The following DIS3L2 variants were observed in gnomAD, a reference collection of about 807,000 sequenced individuals.
The protein encoded by DIS3L2 is DIS3 like 3'-5' exoribonuclease 2.
DIS3L2 carries 34 observed loss-of-function variants against 97.5 expected under a neutral mutation model. That is an observed-to-expected ratio of 0.35 (90% CI 0.27 to 0.46). DIS3L2 has a LOEUF of 0.46. Among genes scored for constraint, DIS3L2 ranks in the 20% least tolerant of loss-of-function variants. DIS3L2 has a pLI of 1.00. For missense variants in DIS3L2, 1,038 were observed against 1,146.0 expected (o/e 0.91, Z 1.36); for synonymous variants, 435 against 445.2 (o/e 0.98, Z 0.29).
chr2:232,196,048 T>C (rs919484138), intron 9 of DIS3L2, among the ~76,000 whole-genome samples: 2 of 152,058 alleles, frequency 1.3e-5, no homozygotes, highest in Admixed American at 1.3e-4. Context: ...AGATGGAATC[T>C]GTTAGGTCAG....
At chr2:232,286,962 A>T (rs539686411) in intron 13 of DIS3L2, among the ~76,000 whole-genome samples, 1 of 152,150 alleles carries the variant, frequency 6.6e-6, no homozygotes. Flanking sequence ...GGTTGTTTTC[A>T]TAGGTAGAAG....
In DIS3L2 at chr2:232,087,539, A is replaced by G. The variant is rs367831290; in HGVS notation, c.419A>G (p.Asp140Gly). ...GAAACAGAAGCTGCGTATGAATCAGATATCCCCGAGGAGCTCTGTGGACAC... is the reference window on the plus strand; with the variant it reads ...GAAACAGAAGCTGCGTATGAATCAGGTATCCCCGAGGAGCTCTGTGGACAC... ...DKETEAAYESDIPEELCGHHL... is the reference protein window; with the variant it reads ...DKETEAAYESGIPEELCGHHL... Residue 140 changes from aspartate (D) to glycine (G), a missense_variant, in exon 6 of 21, where the codon GAT (aspartate) becomes GGT (glycine). Asp to Gly is a moderately conservative substitution (Grantham distance 94). This residue lies in a region of DIS3L2 where 813 missense variants were observed against 880.1 expected (regional missense o/e 0.92). Transcript: ENST00000325385. The G allele has an allele frequency of 8.1e-6, 13 of 1,613,872 alleles. No homozygotes were observed. The East Asian group carries it at 2.2e-4, about 28-fold the overall frequency.
Position 232,220,536 on chromosome 2 carries a change from A to G in DIS3L2, c.1204+10131A>G, listed in dbSNP as rs186972355. On this transcript the variant is annotated intron_variant, in intron 10 of 20. Transcript: ENST00000325385. The stretch of plus-strand genomic sequence containing the variant: ...AGCCTGACCAACATAGTGAAACCCC[A>G]TGTCTACTAAAAATATAAAAATTAG... 2.8e-3 allele frequency among the ~76,000 whole-genome samples: 427 copies of G among 151,970 alleles called. 1 individual carries two copies. Among genetic ancestry groups the G allele is most frequent in the Non-Finnish European group, 4.6e-3 (315 of 67,940 alleles).
chr2:231,996,460 A>G (rs777318800), intron 1 of DIS3L2, among the ~76,000 whole-genome samples: 1 of 152,244 alleles, frequency 6.6e-6, no homozygotes, highest in Non-Finnish European at 1.5e-5. Flanking sequence ...CTGGGGTATT[A>G]AAGTAAGAGA....
chr2:232,309,599 ACCC>A (rs1405469819), intron 14 of DIS3L2, among the ~76,000 whole-genome samples: 4 of 151,650 alleles, frequency 2.6e-5, no homozygotes, highest in Admixed American at 6.6e-5. Context: ...CCACCTCAGC[ACCC>A]CCACCAGCTA....
intron 13 of DIS3L2, among the ~76,000 whole-genome samples, chr2:232,283,197 CTG>C (rs1694343339): frequency 6.6e-6 from 1 of 152,212 alleles, no homozygotes; most frequent in African/African-American, 2.4e-5. Context: ...GATGAGGAAA[CTG>C]AGACTTGAGC....
At chr2:232,247,616 C>CGAGGGGGGG (rs1693289516) in intron 11 of DIS3L2, among the ~76,000 whole-genome samples, 1 of 6,518 alleles carries the variant, frequency 1.5e-4, no homozygotes, top group African/African-American at 3.1e-4. Flanking sequence ...ATAACTGCCG[C>CGAGGGGGGG]GGGGGGGGGG....
chr2:232,265,644 T>G (rs1693835704), intron 13 of DIS3L2, among the ~76,000 whole-genome samples: 1 of 152,186 alleles, frequency 6.6e-6, no homozygotes, highest in Admixed American at 6.5e-5. Context: ...AATACGAACA[T>G]AAAAAAGAAG....
intron 5 of DIS3L2, among the ~76,000 whole-genome samples, chr2:232,034,834 A>G (rs770946105): frequency 4.6e-5 from 7 of 152,068 alleles, no homozygotes; most frequent in Non-Finnish European, 7.4e-5. Context: ...CTGAGAGACT[A>G]TTTGTTAAGA....
chr2:232,298,088 G>T (rs1476751390), intron 13 of DIS3L2, among the ~76,000 whole-genome samples: 2 of 152,102 alleles, frequency 1.3e-5, no homozygotes, highest in Non-Finnish European at 2.9e-5. Flanking sequence ...TATCTCATCT[G>T]TCCAACCTAT....
chr2:232,143,610 G>T (rs1381786346), intron 8 of DIS3L2, among the ~76,000 whole-genome samples: 1 of 151,972 alleles, frequency 6.6e-6, no homozygotes, highest in African/African-American at 2.4e-5. Context: ...CCCCGGAAAC[G>T]ATCACTATTA....
chr2:232,129,486 G>A (rs1244698108), intron 6 of DIS3L2, among the ~76,000 whole-genome samples: 1 of 152,222 alleles, frequency 6.6e-6, no homozygotes, highest in Non-Finnish European at 1.5e-5. Context: ...GATAGAGAGG[G>A]CAATCTACGA....
intron 6 of DIS3L2, among the ~76,000 whole-genome samples, chr2:232,115,146 A>G (rs1200267211): frequency 1.9e-4 from 29 of 152,164 alleles, no homozygotes; most frequent in Non-Finnish European, 1.2e-4. Context: ...TTCACCTCTC[A>G]GTACTGCCAC....
At chr2:232,264,772 C>G (rs1693811499) in intron 13 of DIS3L2, among the ~76,000 whole-genome samples, 1 of 152,242 alleles carries the variant, frequency 6.6e-6, no homozygotes, top group Admixed American at 6.5e-5. Flanking sequence ...ACAAATGCTT[C>G]TAAGCAGGCA....
At chr2:231,991,503 C>T (rs923221050) in intron 1 of DIS3L2, among the ~76,000 whole-genome samples, 1 of 152,128 alleles carries the variant, frequency 6.6e-6, no homozygotes, top group South Asian at 2.1e-4. Flanking sequence ...CTGCTGGGCT[C>T]AAAGGATCCT....
chr2:232,105,081 G>C (rs956167421), intron 6 of DIS3L2, among the ~76,000 whole-genome samples: 2 of 152,172 alleles, frequency 1.3e-5, no homozygotes, highest in African/African-American at 4.8e-5. Flanking sequence ...GCCCCCCAAA[G>C]TGCTGGGATT....
At chr2:232,210,564 G>T (rs1692161759) in intron 10 of DIS3L2, among the ~76,000 whole-genome samples, 159 bp downstream of exon 10, 1 of 152,222 alleles carries the variant, frequency 6.6e-6, no homozygotes, top group South Asian at 2.1e-4. Context: ...ACAACTATGT[G>T]ACCTTAAGAT....
At chr2:232,153,991 G>C (rs1205705921) in intron 8 of DIS3L2, among the ~76,000 whole-genome samples, 1 of 142,878 alleles carries the variant, frequency 7.0e-6, no homozygotes, top group African/African-American at 2.6e-5. Flanking sequence ...CCAGTTGATC[G>C]CATCGGCTCC....
chr2:232,037,493 A>AG lies in DIS3L2; in HGVS notation c.366+7414dup, dbSNP rs1281303788. Among the ~76,000 whole-genome samples the AG allele has an allele frequency of 6.6e-6, 1 of 152,174 alleles. No homozygotes were observed. Among genetic ancestry groups the AG allele is most frequent in the Non-Finnish European group, 1.5e-5 (1 of 68,024 alleles). On this transcript the variant is annotated intron_variant, in intron 5 of 20. Transcript: ENST00000325385. This position sits in a 1 kb window ranked among gnomAD's most constrained non-coding sequence, Gnocchi z 4.6. ...GGCTCCATGAGGGTGGGATCCGCTGAGCTAGACCACTTGGCTCTCTGGCTT... is the reference window on the plus strand; with the variant it reads ...GGCTCCATGAGGGTGGGATCCGCTGAGGCTAGACCACTTGGCTCTCTGGCTT...
Sources: gnomAD v4.1 joint callset for allele counts (sites outside exome capture counted in the v4.1 genomes callset) on GRCh38, gnomAD v4.1.1 for gene constraint, gnomAD v4.1.1 regional missense constraint, Gnocchi (gnomAD v3.1) non-coding constraint, MANE v1.5 for transcripts, NCBI Gene and HGNC (gene_info 2026-07-23, HGNC 2026-07-21) for gene names.